STAG1: variants seen among roughly 807,000 people sequenced by gnomAD.
The protein encoded by STAG1 is STAG1 cohesin complex component, also known as cohesin subunit SA-1.
In STAG1, 26 loss-of-function variants were observed where a neutral mutation model predicts 170.9. The ratio of observed to expected loss-of-function variants is 0.15; its 90% CI spans 0.11 to 0.21. The LOEUF is 0.21. Among genes scored for constraint, STAG1 ranks in the 10% least tolerant of loss-of-function variants. STAG1 has a pLI of 1.00. For missense variants in STAG1, 964 were observed against 1,509.5 expected (o/e 0.64, Z 5.99); for synonymous variants, 514 against 497.7 (o/e 1.03, Z -0.44).
chr3:136,432,536 CT>C (rs2088338456), intron 16 of STAG1, among the ~76,000 whole-genome samples: 1 of 141,508 alleles, frequency 7.1e-6, no homozygotes, highest in African/African-American at 2.6e-5. Context: ...GGCACAGAGT[CT>C]TGCTCTGTCA....
chr3:136,503,589 GCTC>G (rs1933597258), intron 7 of STAG1, among the ~76,000 whole-genome samples: 1 of 151,698 alleles, frequency 6.6e-6, no homozygotes, highest in African/African-American at 2.4e-5. Flanking sequence ...TCCCCTTTTT[GCTC>G]CTTTTAGGTT....
intron 1 of STAG1, among the ~76,000 whole-genome samples, chr3:136,650,462 A>T (rs1292191864): frequency 3.9e-5 from 6 of 152,220 alleles, no homozygotes; most frequent in Non-Finnish European, 7.3e-5. Flanking sequence ...TACAAGTATT[A>T]CATATGCAAT....
In STAG1 at chr3:136,704,821, CAAAAAAAAAAA is replaced by C. The variant is rs67207510; in HGVS notation, c.-84+47363_-84+47373del. Among the ~76,000 whole-genome samples, 30 of 51,448 alleles carry C rather than the reference CAAAAAAAAAAA, an allele frequency of 5.8e-4. 1 individual carries two copies. Among genetic ancestry groups the C allele is most frequent in the African/African-American group, 2.0e-3 (27 of 13,568 alleles). The allele number at this position is 51,448 out of a possible 152,430, so 33.8% of individuals were successfully genotyped here. ...CTGGGTGAAGAGTGAGTCCCTGTCT[CAAAAAAAAAAA>C]AAAAAAAAAAAAAAGATAAAGAAGA... On this transcript the variant is annotated intron_variant, in intron 1 of 33. Transcript: ENST00000383202.
chr3:136,514,679 T>C (rs910761923), intron 7 of STAG1, among the ~76,000 whole-genome samples: 10 of 152,170 alleles, frequency 6.6e-5, no homozygotes, highest in African/African-American at 2.4e-4. Flanking sequence ...CCATCAATAA[T>C]AGGCTGGATT....
chr3:136,600,563 GCT>G lies in STAG1; in HGVS notation c.297+3744_297+3745del, dbSNP rs571349266. The stretch of plus-strand genomic sequence containing the variant: ...TTTTTTATTTTTGAGACGGAGTCTC[GCT>G]CTGTCACCCAGGCTGGCGTGTAGTG... On this transcript the variant is annotated intron_variant, in intron 4 of 33. Transcript: ENST00000383202. Among the ~76,000 whole-genome samples, 359 of 152,198 alleles carry G rather than the reference GCT, an allele frequency of 2.4e-3. 1 individual carries two copies. Among genetic ancestry groups the G allele is most frequent in the South Asian group, 4.1e-3 (20 of 4,824 alleles).
chr3:136,446,577 C>T (rs769349023), intron 14 of STAG1, among the ~76,000 whole-genome samples: 2 of 152,006 alleles, frequency 1.3e-5, no homozygotes, highest in Admixed American at 6.6e-5. Context: ...CACCTGCCAC[C>T]ATGCCTGACT....
intron 1 of STAG1, among the ~76,000 whole-genome samples, chr3:136,747,414 C>A (rs939313918): frequency 2.0e-5 from 3 of 152,194 alleles, no homozygotes; most frequent in African/African-American, 7.2e-5. Context: ...TTCGGCCACA[C>A]ACACTGGCTC....
intron 13 of STAG1, 110 bp from the exon 14 acceptor site, chr3:136,452,257 G>GCAGGGAGAACGAGCAT (rs2107777022): frequency 1.4e-6 from 1 of 710,136 alleles, no homozygotes; most frequent in African/African-American, 1.8e-5. Flanking sequence ...AAAAGGGGGA[G>GCAGGGAGAACGAGCAT]CAGGGAGAAC....
At chr3:136,588,802 C>G (rs1937985735) in intron 4 of STAG1, among the ~76,000 whole-genome samples, 1 of 151,874 alleles carries the variant, frequency 6.6e-6, no homozygotes, top group African/African-American at 2.4e-5. Context: ...CTCGCTCTGT[C>G]ACCCAGGCTG....
chr3:136,629,435 G>A (rs1313176166), intron 2 of STAG1, among the ~76,000 whole-genome samples: 3 of 151,546 alleles, frequency 2.0e-5, no homozygotes, highest in Non-Finnish European at 4.4e-5. Flanking sequence ...ATACTATAAG[G>A]GGCCCTCCAA....
At chr3:136,461,342 A>G (rs2089268094) in intron 13 of STAG1, among the ~76,000 whole-genome samples, 1 of 152,218 alleles carries the variant, frequency 6.6e-6, no homozygotes, top group Admixed American at 6.5e-5. Flanking sequence ...GTTAGGCAAG[A>G]GAATGAAATA....
chr3:136,676,767 AT>A (rs552071927), intron 1 of STAG1, among the ~76,000 whole-genome samples: 8 of 151,044 alleles, frequency 5.3e-5, no homozygotes, highest in East Asian at 1.9e-4. Flanking sequence ...TTGTTCTATA[AT>A]TTTTTTTCTA....
chr3:136,554,689 G>A (rs917792247), intron 5 of STAG1, among the ~76,000 whole-genome samples: 1 of 152,024 alleles, frequency 6.6e-6, no homozygotes, highest in Non-Finnish European at 1.5e-5. Flanking sequence ...GAGTCCAGGA[G>A]TTCAAAAGTA....
At chr3:136,712,806 T>C (rs1254196017) in intron 1 of STAG1, among the ~76,000 whole-genome samples, 3 of 152,154 alleles carry the variant, frequency 2.0e-5, no homozygotes, top group East Asian at 1.9e-4. Flanking sequence ...AAAACACATA[T>C]GAGGCCGGGC....
intron 1 of STAG1, among the ~76,000 whole-genome samples, chr3:136,723,423 C>T (rs1303873211): frequency 4.6e-5 from 7 of 151,308 alleles, no homozygotes; most frequent in African/African-American, 1.5e-4. Context: ...GCCCAGCCGC[C>T]CCGTCTGAGA....
intron 1 of STAG1, among the ~76,000 whole-genome samples, chr3:136,697,846 G>C (rs577820016): frequency 6.6e-6 from 1 of 152,234 alleles, no homozygotes; most frequent in South Asian, 2.1e-4. Context: ...AGTGTATCTT[G>C]TGTTAATATA....
intron 4 of STAG1, among the ~76,000 whole-genome samples, chr3:136,584,239 C>T (rs1937694192): frequency 6.6e-6 from 1 of 152,176 alleles, no homozygotes; most frequent in Non-Finnish European, 1.5e-5. Flanking sequence ...AATATCTGGA[C>T]TGGACACAAT....
chr3:136,541,550 A>ACACACT (rs889383588), intron 6 of STAG1, among the ~76,000 whole-genome samples: 2 of 148,714 alleles, frequency 1.3e-5, no homozygotes, highest in African/African-American at 2.5e-5. Flanking sequence ...ACACACACAC[A>ACACACT]CACACACACA....
chr3:136,577,334 C>A lies in STAG1; in HGVS notation c.298-8473G>T, dbSNP rs374296481. ...TTGTTGAAAATCAAGCCAATAAAAT[C>A]TAATTGTATCAGAGGCAATAACAGT... On this transcript the variant is annotated intron_variant, in intron 4 of 33. Coordinates refer to ENST00000383202, the MANE Select transcript of STAG1 (RefSeq NM_005862.3). 1.4e-4 allele frequency among the ~76,000 whole-genome samples: 22 copies of A among 152,298 alleles called. No homozygotes were observed. The South Asian group carries it at 4.6e-3, about 32-fold the overall frequency.
Sources: gnomAD v4.1 joint callset for allele counts (sites outside exome capture counted in the v4.1 genomes callset) on GRCh38, gnomAD v4.1.1 for gene constraint, MANE v1.5 for transcripts, NCBI Gene and HGNC (gene_info 2026-07-23, HGNC 2026-07-21) for gene names.